The following HS6ST3 variants were observed in gnomAD, a reference collection of about 807,000 sequenced individuals.
HS6ST3 encodes heparan sulfate 6-O-sulfotransferase 3.
HS6ST3 carries 12 observed loss-of-function variants against 36.7 expected under a neutral mutation model. The ratio of observed to expected loss-of-function variants is 0.33; its 90% CI spans 0.21 to 0.53. HS6ST3 has a LOEUF of 0.53. Among genes scored for constraint, HS6ST3 ranks in the 20% least tolerant of loss-of-function variants. The probability of loss-of-function intolerance (pLI) is 0.95; values close to 1 mark genes in which losing one functional copy is unlikely to be tolerated. For missense variants in HS6ST3, 584 were observed against 640.9 expected (o/e 0.91, Z 0.96); for synonymous variants, 240 against 257.5 (o/e 0.93, Z 0.65).
chr13:96,539,165 A>C (rs1234102157), intron 1 of HS6ST3, among the ~76,000 whole-genome samples: 1 of 152,198 alleles, frequency 6.6e-6, no homozygotes, highest in East Asian at 1.9e-4. Context: ...GGTTAGAAAT[A>C]GGAACATAGA....
chr13:96,346,182 C>G (rs2055153329), intron 1 of HS6ST3, among the ~76,000 whole-genome samples: 2 of 152,076 alleles, frequency 1.3e-5, no homozygotes, highest in South Asian at 4.1e-4. Context: ...GTTGGGGACC[C>G]CTGCTTTATT....
intron 1 of HS6ST3, among the ~76,000 whole-genome samples, chr13:96,306,472 AAG>A (rs1280613156): frequency 1.3e-5 from 2 of 152,040 alleles, no homozygotes; most frequent in Non-Finnish European, 2.9e-5. Flanking sequence ...TCGCCTCCCA[AAG>A]TGCTGGGATT....
chr13:96,303,953 G>T (rs1163790474), intron 1 of HS6ST3, among the ~76,000 whole-genome samples: 2 of 152,038 alleles, frequency 1.3e-5, no homozygotes, highest in African/African-American at 4.8e-5. Context: ...GACCAGTCTG[G>T]CCAATATGGC....
At chr13:96,765,237 T>A (rs1877075306) in intron 1 of HS6ST3, among the ~76,000 whole-genome samples, 1 of 151,994 alleles carries the variant, frequency 6.6e-6, no homozygotes, top group South Asian at 2.1e-4. Context: ...CGCGCCTGGC[T>A]AATTTTTTGT....
chr13:96,463,648 A>G (rs528314598), intron 1 of HS6ST3, among the ~76,000 whole-genome samples: 2 of 152,296 alleles, frequency 1.3e-5, no homozygotes, highest in Non-Finnish European at 2.9e-5. Flanking sequence ...TCAAAAGACA[A>G]TGTAAACAGA....
At chr13:96,461,234 G>A (rs944883611) in intron 1 of HS6ST3, among the ~76,000 whole-genome samples, 3 of 152,176 alleles carry the variant, frequency 2.0e-5, no homozygotes, top group Non-Finnish European at 2.9e-5. Context: ...TGTGCCAGAC[G>A]TTGGGAATGA....
intron 1 of HS6ST3, among the ~76,000 whole-genome samples, chr13:96,550,141 T>C (rs1336701316): frequency 1.3e-5 from 2 of 152,200 alleles, no homozygotes; most frequent in African/African-American, 4.8e-5. Context: ...AATTGCATGT[T>C]ATGTGACCTT....
At chr13:96,659,364 C>A (rs1388735480) in intron 1 of HS6ST3, among the ~76,000 whole-genome samples, 2 of 151,886 alleles carry the variant, frequency 1.3e-5, no homozygotes, top group African/African-American at 4.8e-5. Flanking sequence ...TTTCATTTGC[C>A]TTTTTCTTAT....
At chr13:96,328,759 C>T (rs149822033) in intron 1 of HS6ST3, among the ~76,000 whole-genome samples, 130 of 152,270 alleles carry the variant, frequency 8.5e-4, no homozygotes, top group African/African-American at 3.0e-3. Context: ...CGGAATGGTA[C>T]CCGTTCCTCC....
chr13:96,312,455 T>G (rs1021937741), intron 1 of HS6ST3, among the ~76,000 whole-genome samples: 3 of 152,200 alleles, frequency 2.0e-5, no homozygotes, highest in Non-Finnish European at 4.4e-5. Flanking sequence ...TAATAAATTA[T>G]AGTTTGTTAA....
chr13:96,350,308 AG>A (rs2055175361), intron 1 of HS6ST3, among the ~76,000 whole-genome samples: 1 of 152,240 alleles, frequency 6.6e-6, no homozygotes, highest in Admixed American at 6.5e-5. Flanking sequence ...GAACAGAAAT[AG>A]CCAGCTTACA....
chr13:96,240,200 A>G (rs1359605928), intron 1 of HS6ST3, among the ~76,000 whole-genome samples: 2 of 152,222 alleles, frequency 1.3e-5, no homozygotes, highest in Non-Finnish European at 2.9e-5. Context: ...CAAAAGCAAG[A>G]TAAGATCCTA....
intron 1 of HS6ST3, among the ~76,000 whole-genome samples, chr13:96,218,556 C>A (rs1012440524): frequency 5.9e-5 from 9 of 152,306 alleles, no homozygotes; most frequent in Middle Eastern, 3.4e-3. Flanking sequence ...TCACTCACAG[C>A]CACGTGGGGA....
intron 1 of HS6ST3, among the ~76,000 whole-genome samples, chr13:96,147,475 T>G (rs143047905): frequency 6.6e-6 from 1 of 152,344 alleles, no homozygotes; most frequent in African/African-American, 2.4e-5. Flanking sequence ...ATAACATTGT[T>G]GAGAAAAAAT....
At chr13:96,355,411 A>G (rs1294591686) in intron 1 of HS6ST3, among the ~76,000 whole-genome samples, 2 of 150,416 alleles carry the variant, frequency 1.3e-5, no homozygotes, top group African/African-American at 5.0e-5. Flanking sequence ...ACAAACACAC[A>G]AACACACACA....
At chr13:96,603,811 A>T (rs922946831) in intron 1 of HS6ST3, among the ~76,000 whole-genome samples, 3 of 152,204 alleles carry the variant, frequency 2.0e-5, no homozygotes, top group Admixed American at 2.0e-4. Context: ...TATGCTTGGC[A>T]TACTTCACAG....
chr13:96,484,979 C>G (rs1260060177), intron 1 of HS6ST3, among the ~76,000 whole-genome samples: 1 of 152,152 alleles, frequency 6.6e-6, no homozygotes, highest in East Asian at 1.9e-4. Flanking sequence ...TTCCTTTTCT[C>G]CATGTCCTCA....
intron 1 of HS6ST3, among the ~76,000 whole-genome samples, chr13:96,623,495 C>T (rs1050932369): frequency 6.6e-6 from 1 of 151,472 alleles, no homozygotes; most frequent in Non-Finnish European, 1.5e-5. Context: ...AGGTAGCTCC[C>T]GCAGCTTCTA....
intron 1 of HS6ST3, among the ~76,000 whole-genome samples, chr13:96,341,100 G>T (rs1349928482): frequency 2.0e-5 from 3 of 152,034 alleles, no homozygotes; most frequent in Non-Finnish European, 2.9e-5. Flanking sequence ...ACAGAATTTG[G>T]CCAGTTTTCA....
Sources: allele counts gnomAD v4.1 joint callset (sites outside exome capture counted in the v4.1 genomes callset), GRCh38; gene constraint gnomAD v4.1.1; transcripts MANE v1.5; gene names NCBI Gene and HGNC (gene_info 2026-07-23, HGNC 2026-07-21).